TRPM1: variants seen among roughly 807,000 people sequenced by gnomAD.
TRPM1 encodes TRPM1-203 APA Isoform, Intron 10.
Under a neutral mutation model 149.4 loss-of-function variants are expected in TRPM1, and 113 were observed. That is an observed-to-expected ratio of 0.76 (90% CI 0.65 to 0.88). The LOEUF (loss-of-function observed/expected upper bound fraction) is 0.88, where lower values mean the gene tolerates loss of function less well. Ranked by LOEUF, TRPM1 falls within the 40% of genes least tolerant of loss-of-function variation. The probability of loss-of-function intolerance (pLI) is 0.00; values close to 1 mark genes in which losing one functional copy is unlikely to be tolerated. For synonymous variants in TRPM1, 741 were observed against 759.5 expected (o/e 0.98, Z 0.40); for missense variants, 1,976 against 2,038.7 (o/e 0.97, Z 0.59).
intron 11 of TRPM1, among the ~76,000 whole-genome samples, chr15:31,058,672 GA>G (rs2034148495): frequency 6.6e-6 from 1 of 152,240 alleles, no homozygotes; most frequent in African/African-American, 2.4e-5. Context: ...AACTTGTCAG[GA>G]GAGGAAGGAG....
intron 1 of TRPM1, among the ~76,000 whole-genome samples, chr15:31,132,759 G>A (rs911536550): frequency 4.6e-5 from 7 of 152,280 alleles, no homozygotes; most frequent in African/African-American, 1.7e-4. Flanking sequence ...CCAGTGGGAG[G>A]TAATTGAATC....
At chr15:31,101,079 G>A (rs544852075) in intron 1 of TRPM1, among the ~76,000 whole-genome samples, 5 of 152,336 alleles carry the variant, frequency 3.3e-5, no homozygotes, top group South Asian at 2.1e-4. Flanking sequence ...TTTCACAGGT[G>A]AAATATCAGC....
chr15:31,037,379 T>C (rs1849089558), intron 20 of TRPM1, among the ~76,000 whole-genome samples: 1 of 152,270 alleles, frequency 6.6e-6, no homozygotes, highest in Non-Finnish European at 1.5e-5. Flanking sequence ...AAATCACTAG[T>C]CATCTCTGTT....
chr15:31,003,850 T>A (rs1408723126), intron 27 of TRPM1, among the ~76,000 whole-genome samples: 1 of 150,668 alleles, frequency 6.6e-6, no homozygotes, highest in Non-Finnish European at 1.5e-5. Flanking sequence ...AAATGCCTGC[T>A]ATTAGTTTTT....
chr15:31,067,048 A>G lies in TRPM1; in HGVS notation c.618+15T>C, dbSNP rs1042205908. The stretch of plus-strand genomic sequence containing the variant: ...ATTTTAAAAAACTGCCAACATTTGC[A>G]GAGAAAACACTTACATCCTTTCCAA... On this transcript the variant is annotated intron_variant, in intron 6 of 27. Coordinates refer to ENST00000256552, the MANE Select transcript of TRPM1 (RefSeq NM_001252024.2). 2 of 1,614,096 alleles carry G rather than the reference A, an allele frequency of 1.2e-6. No individual in the cohort carries two copies. Among genetic ancestry groups the G allele is most frequent in the African/African-American group, 2.7e-5 (2 of 74,940 alleles).
chr15:31,059,954 CCACACACACTGCTCATCCCATATCA>C (rs1020754946), intron 11 of TRPM1, among the ~76,000 whole-genome samples: 17 of 152,054 alleles, frequency 1.1e-4, no homozygotes, highest in Admixed American at 1.1e-3. Context: ...CCTCAACACT[CCACACACACTGCTCATCCCATATCA>C]CACACACACA....
chr15:31,001,918 A>G lies in TRPM1; in HGVS notation c.4782T>C (p.His1594=), dbSNP rs780867337. 5.6e-6 allele frequency: 9 copies of G among 1,614,098 alleles called. 1 individual carries two copies. Among genetic ancestry groups the G allele is most frequent in the Non-Finnish European group, 7.6e-6 (9 of 1,180,008 alleles). ...SIQGKLDRSG[H]ASSVSSLVIV... is the part of the protein sequence containing the mutation. ...TTACTAAGCTGCTTACACTACTGGC[A>G]TGTCCAGATCTGTCTAACTTTCCCT... Residue 1594 remains histidine (H), a synonymous_variant, in exon 28 of 28, where the codon CAT becomes CAC. Transcript: ENST00000256552.
chr15:31,002,597 A>C lies in TRPM1; in HGVS notation c.4103T>G (p.Leu1368Ter). 1 of 1,614,090 alleles carries C rather than the reference A, an allele frequency of 6.2e-7. No individual in the cohort carries two copies. The highest frequency in any genetic ancestry group is 8.5e-7 in the Non-Finnish European group (1 of 1,180,008). The change falls in exon 28 of 28, where the codon TTA (leucine) becomes TGA (stop). Residue 1368 changes from leucine (L) to a stop codon, truncating the protein, a stop_gained. Coordinates refer to ENST00000256552, the MANE Select transcript of TRPM1 (RefSeq NM_001252024.2). LOFTEE classifies it low-confidence loss of function (END_TRUNC). ...TAATTTTGACTCTTCAGCGTTCTTTAAGTCATCTACTGCAAGGTGACTGCC... is the reference window on the plus strand; with the variant it reads ...TAATTTTGACTCTTCAGCGTTCTTTCAGTCATCTACTGCAAGGTGACTGCC... Reference protein sequence around the residue: ...PDGSHLAVDDLKNAEESKLGP... With the variant: ...PDGSHLAVDD
intron 1 of TRPM1, among the ~76,000 whole-genome samples, chr15:31,096,066 TAGAAA>T (rs113985996): frequency 0.54 from 77,188 of 142,086 alleles, 20,876 homozygotes; most frequent in East Asian, 0.83. Flanking sequence ...AAAATAAAAA[TAGAAA>T]AGAAAAGAAA....
intron 11 of TRPM1, among the ~76,000 whole-genome samples, chr15:31,059,304 G>A (rs570853687): frequency 6.6e-6 from 1 of 152,260 alleles, no homozygotes; most frequent in East Asian, 1.9e-4. Context: ...TGCTTTGGGA[G>A]GCAATTAAAT....
rs2140956075 is a variant in TRPM1, at chr15:31,062,682, C to T, written c.986G>A (p.Arg329Lys). 1 of 1,614,082 alleles carries T rather than the reference C, an allele frequency of 6.2e-7. No homozygotes were observed. The highest frequency in any genetic ancestry group is 8.5e-7 in the Non-Finnish European group (1 of 1,180,010). ...CTGAATGGTAACTAGAAGCTGCTCC[C>T]TGAGGGACTCATTTATTATTCTGTT... ...EEGGIINESL[R>K]EQLLVTIQKT... The change falls in exon 9 of 28, where the codon AGG becomes AAG. Residue 329 changes from arginine to lysine, a missense_variant. Arg to Lys is a conservative substitution (Grantham distance 26). Transcript: ENST00000256552.
chr15:31,020,865 G>A (rs1360431390), intron 27 of TRPM1, among the ~76,000 whole-genome samples: 1 of 152,226 alleles, frequency 6.6e-6, no homozygotes, highest in Non-Finnish European at 1.5e-5. Context: ...CCTGTGGGAA[G>A]CGAGGCCTGT....
intron 16 of TRPM1, 114 bp from the exon 17 acceptor site, chr15:31,042,357 A>ACCACCG: frequency 2.2e-5 from 24 of 1,087,662 alleles, no homozygotes; most frequent in South Asian, 9.8e-5. Flanking sequence ...GAGACTTCTG[A>ACCACCG]AGTACATCTT....
intron 1 of TRPM1, among the ~76,000 whole-genome samples, chr15:31,082,810 A>C (rs1350879275): frequency 6.6e-6 from 1 of 152,142 alleles, no homozygotes; most frequent in Non-Finnish European, 1.5e-5. Flanking sequence ...GCATTTACGT[A>C]GTTTTAGAGT....
chr15:31,103,462 G>C (rs2035554465), upstream of TRPM1, among the ~76,000 whole-genome samples: 1 of 152,200 alleles, frequency 6.6e-6, no homozygotes, highest in South Asian at 2.1e-4. Context: ...AACATGTTGG[G>C]TTGAATAGAA....
At chr15:31,157,976 C>T (rs987862464) in intron 1 of TRPM1, among the ~76,000 whole-genome samples, 8 of 152,074 alleles carry the variant, frequency 5.3e-5, no homozygotes, top group Non-Finnish European at 7.3e-5. Context: ...TGAGCTGCTG[C>T]GTCAATGAAG....
At chr15:31,043,267 C>T (rs968181566) in intron 16 of TRPM1, among the ~76,000 whole-genome samples, 10 of 152,214 alleles carry the variant, frequency 6.6e-5, no homozygotes, top group Admixed American at 4.6e-4. Context: ...CATCTCGGCT[C>T]ACTGCAAGCT....
intron 18 of TRPM1, among the ~76,000 whole-genome samples, chr15:31,039,228 A>T (rs528648161): frequency 6.6e-6 from 1 of 152,238 alleles, no homozygotes; most frequent in African/African-American, 2.4e-5. Flanking sequence ...GAAAAGTCTG[A>T]TGCCAATTTG....
chr15:31,001,421 G>A lies in TRPM1; in HGVS notation c.*401C>T. On this transcript the variant is annotated 3_prime_UTR_variant, in exon 28 of 28. Coordinates refer to ENST00000256552, the MANE Select transcript of TRPM1 (RefSeq NM_001252024.2). ...GGACTCAAGCTATCTTTCTGCCTTG[G>A]CCTCCCAAAGTGCTAGGATTACAGG... The A allele has an allele frequency of 5.4e-6, 1 of 184,136 alleles. No individual in the cohort carries two copies. Among genetic ancestry groups the A allele is most frequent in the Non-Finnish European group, 1.1e-5 (1 of 88,360 alleles). 11.4% of individuals were successfully genotyped at this position (184,136 alleles called of 1,614,324 possible).
Sources: allele counts gnomAD v4.1 joint callset (sites outside exome capture counted in the v4.1 genomes callset), GRCh38; gene constraint gnomAD v4.1.1; transcripts MANE v1.5; gene names NCBI Gene and HGNC (gene_info 2026-07-23, HGNC 2026-07-21).